Variants in AGPAT2 observed in about 807,000 individuals in gnomAD.
AGPAT2 encodes 1-acyl-sn-glycerol-3-phosphate acyltransferase beta.
In AGPAT2, 18 loss-of-function variants were observed where a neutral mutation model predicts 26.1. The ratio of observed to expected loss-of-function variants is 0.69; its 90% confidence interval spans 0.48 to 1.02. The LOEUF (loss-of-function observed/expected upper bound fraction) is 1.02, where lower values mean the gene tolerates loss of function less well. Ranked by LOEUF, AGPAT2 falls within the 50% of genes least tolerant of loss-of-function variation. The pLI, the probability that AGPAT2 is intolerant of heterozygous loss-of-function variation, is 0.00. For missense variants in AGPAT2, 415 were observed against 394.9 expected, an observed-to-expected ratio of 1.05 and a Z score of -0.43; for synonymous variants, 200 against 174.2, an observed-to-expected ratio of 1.15 and a Z score of -1.16.
At chr9:136,675,157 C>T (rs917270372) in intron 4 of AGPAT2, among the ~76,000 whole-genome samples, 1 of 152,174 alleles carries the variant, frequency 6.6e-6, no homozygotes, top group African/African-American at 2.4e-5. Context: ...TCTTCCCTGC[C>T]CACGCCTCTC....
chr9:136,681,913 T>A (rs946421779), intron 1 of AGPAT2, among the ~76,000 whole-genome samples: 5 of 152,108 alleles, frequency 3.3e-5, no homozygotes, highest in African/African-American at 4.8e-5. Flanking sequence ...AATCGCCTTC[T>A]AAGCACAGAG....
At position 136,687,427 on chromosome 9, in the gene AGPAT2, T is replaced by G; in HGVS notation, c.-70A>C. ...CCGCTCCCGCTTCTCCCCCGCGCGC[T>G]CAGGCCCCTTATTGCGAGGGCGGCG... On this transcript the variant is annotated 5_prime_UTR_variant, in exon 1 of 6. Transcript: ENST00000371696. 11 of 1,278,238 alleles carry G rather than the reference T, an allele frequency of 8.6e-6. No homozygotes were observed. The highest frequency in any genetic ancestry group is 9.0e-6 in the Non-Finnish European group (9 of 995,832). The allele number at this position is 1,278,238 out of a possible 1,614,324, so 79.2% of individuals were successfully genotyped here.
intron 1 of AGPAT2, among the ~76,000 whole-genome samples, chr9:136,680,303 T>C (rs1846142945): frequency 6.6e-6 from 1 of 152,238 alleles, no homozygotes; most frequent in East Asian, 1.9e-4. Flanking sequence ...CTCAGCTCAC[T>C]GCAACCTCTG....
chr9:136,682,002 C>A (rs569064940), intron 1 of AGPAT2, among the ~76,000 whole-genome samples: 2 of 152,096 alleles, frequency 1.3e-5, no homozygotes, highest in South Asian at 2.1e-4. Context: ...GACAGTAACC[C>A]CCCAGGGTAG....
intron 1 of AGPAT2, among the ~76,000 whole-genome samples, chr9:136,680,821 C>T (rs1382047041): frequency 6.6e-6 from 1 of 151,792 alleles, no homozygotes; most frequent in Non-Finnish European, 1.5e-5. Context: ...TGTGCGCCAC[C>T]ACACCCGGCT....
At chr9:136,673,962 G>A (rs1236416393) in intron 5 of AGPAT2, 35 bp from the exon 6 acceptor site, 1 of 1,466,348 alleles carries the variant, frequency 6.8e-7, no homozygotes, top group Non-Finnish European at 9.1e-7. Flanking sequence ...GTGGCCTGTG[G>A]GGAGCTGGGG....
intron 1 of AGPAT2, 81 bp downstream of exon 1, chr9:136,687,095 G>A: frequency 2.8e-6 from 4 of 1,448,912 alleles, no homozygotes; most frequent in Non-Finnish European, 3.7e-6. Flanking sequence ...GGGGCAGGAA[G>A]GAGGGAAGCC....
At chr9:136,686,805 G>T (rs571192279) in intron 1 of AGPAT2, among the ~76,000 whole-genome samples, 115 of 152,336 alleles carry the variant, frequency 7.5e-4, no homozygotes, top group African/African-American at 2.7e-3. Context: ...CGGTTTCCCC[G>T]CTCAGGAAGC....
At position 136,673,630 on chromosome 9, in the gene AGPAT2, G is replaced by A; in HGVS notation, c.*122C>T. 1 of 1,129,982 alleles carries A rather than the reference G, an allele frequency of 8.8e-7. No individual in the cohort carries two copies. The highest frequency in any genetic ancestry group is 2.9e-5 in the East Asian group (1 of 34,100). The allele number at this position is 1,129,982 out of a possible 1,614,324, so 70.0% of individuals were successfully genotyped here. A position where few individuals can be genotyped will look rare whatever the true frequency, so the allele number is the denominator to read the frequency against. Reference sequence around the variant, plus strand: ...GAAGGGGCTTCCTGCTTCCCGGGCTGAGTGAGAGCTGGGGGAGCCGGACAG... The same window carrying A: ...GAAGGGGCTTCCTGCTTCCCGGGCTAAGTGAGAGCTGGGGGAGCCGGACAG... On this transcript the variant is annotated 3_prime_UTR_variant, in exon 6 of 6. Transcript: ENST00000371696.
chr9:136,675,335 G>A (rs927500749), intron 4 of AGPAT2, among the ~76,000 whole-genome samples: 15 of 136,832 alleles, frequency 1.1e-4, no homozygotes, highest in Non-Finnish European at 3.3e-5. Context: ...CAGCAGGTAG[G>A]CTGGGGACTG....
intron 4 of AGPAT2, among the ~76,000 whole-genome samples, chr9:136,675,479 G>C (rs1359137275): frequency 1.1e-5 from 1 of 93,808 alleles, no homozygotes; most frequent in Non-Finnish European, 2.5e-5. Context: ...GCAGCAGGGA[G>C]GGAGGAGGCC....
chr9:136,680,223 TTTTA>T (rs1430890337), intron 1 of AGPAT2, among the ~76,000 whole-genome samples: 1 of 152,192 alleles, frequency 6.6e-6, no homozygotes, highest in African/African-American at 2.4e-5. Context: ...CAGTTCCATC[TTTTA>T]TTTACTTTTT....
chr9:136,687,380 C>T lies in AGPAT2; in HGVS notation c.-23G>A. On this transcript the variant is annotated 5_prime_UTR_variant, in exon 1 of 6. Coordinates refer to ENST00000371696, the MANE Select transcript of AGPAT2 (RefSeq NM_006412.4). ...CATGGCCCGGCCCGGCGCCCGACGGCGCCGCCAGCTCGCTCCCGCTCCCGC... is the reference window on the plus strand; with the variant it reads ...CATGGCCCGGCCCGGCGCCCGACGGTGCCGCCAGCTCGCTCCCGCTCCCGC... 3 of 1,439,982 alleles carry T rather than the reference C, an allele frequency of 2.1e-6. No homozygotes were observed. Among genetic ancestry groups the T allele is most frequent in the Non-Finnish European group, 1.8e-6 (2 of 1,103,592 alleles). 89.2% of individuals were successfully genotyped at this position (1,439,982 alleles called of 1,614,324 possible). A position where few individuals can be genotyped will look rare whatever the true frequency, so the allele number is the denominator to read the frequency against.
intron 1 of AGPAT2, among the ~76,000 whole-genome samples, chr9:136,684,978 C>G (rs780863587): frequency 6.6e-6 from 1 of 152,174 alleles, no homozygotes; most frequent in Non-Finnish European, 1.5e-5. Context: ...ACGGCCCCCA[C>G]GGAGGGAACG....
In AGPAT2 at chr9:136,673,628, C is replaced by A. The variant is rs1226938327; in HGVS notation, c.*124G>T. 6 of 1,122,342 alleles carry A rather than the reference C, an allele frequency of 5.3e-6. No individual in the cohort carries two copies. The highest frequency in any genetic ancestry group is 7.3e-6 in the Non-Finnish European group (6 of 826,920). The allele number at this position is 1,122,342 out of a possible 1,614,324, so 69.5% of individuals were successfully genotyped here. A position where few individuals can be genotyped will look rare whatever the true frequency, so the allele number is the denominator to read the frequency against. On this transcript the variant is annotated 3_prime_UTR_variant, in exon 6 of 6. Transcript: ENST00000371696. ...CAGAAGGGGCTTCCTGCTTCCCGGG[C>A]TGAGTGAGAGCTGGGGGAGCCGGAC...
intron 1 of AGPAT2, among the ~76,000 whole-genome samples, chr9:136,682,151 A>AGAGTC (rs1462422959): frequency 6.6e-6 from 1 of 152,192 alleles, no homozygotes; most frequent in Non-Finnish European, 1.5e-5. Flanking sequence ...CGGAGCTGGC[A>AGAGTC]GAGTCGTGCT....
In AGPAT2 at chr9:136,681,097, T is replaced by G. The variant is rs1564293598; in HGVS notation, c.183-3541A>C. Among the ~76,000 whole-genome samples, 3 of 151,006 alleles carry G rather than the reference T, an allele frequency of 2.0e-5. No individual in the cohort carries two copies. The South Asian group carries it at 6.2e-4, about 31-fold the overall frequency. On this transcript the variant is annotated intron_variant, in intron 1 of 5. Coordinates refer to ENST00000371696, the MANE Select transcript of AGPAT2 (RefSeq NM_006412.4). ...CAGCACCACCCTCTAGCTCCAAAACTTTTCCTTTTTTTTTTTTTTTTAATC... is the reference window on the plus strand; with the variant it reads ...CAGCACCACCCTCTAGCTCCAAAACGTTTCCTTTTTTTTTTTTTTTTAATC...
chr9:136,676,909 G>GGC, intron 3 of AGPAT2, 52 bp downstream of exon 3: 53 of 1,460,732 alleles, frequency 3.6e-5, no homozygotes, highest in East Asian at 9.3e-5. Flanking sequence ...CCCCTGCCTG[G>GGC]CCCCGCCCAG....
rs372910163 is a variant in AGPAT2, at chr9:136,673,741, C to T, written c.*11G>A. 77 of 1,570,954 alleles carry T rather than the reference C, an allele frequency of 4.9e-5. No homozygotes were observed. The highest frequency in any genetic ancestry group is 6.0e-5 in the Non-Finnish European group (69 of 1,158,482). ...CTGCCCTCCCCAGGTCATGCCCTGC[C>T]GTGGTCTGGGCTACTGGGCCGGCTG... is the stretch of plus-strand genomic sequence containing the variant. On this transcript the variant is annotated 3_prime_UTR_variant, in exon 6 of 6. Coordinates refer to ENST00000371696, the MANE Select transcript of AGPAT2 (RefSeq NM_006412.4).
Sources: gnomAD v4.1 joint callset for allele counts (sites outside exome capture counted in the v4.1 genomes callset) on GRCh38, gnomAD v4.1.1 for gene constraint, MANE v1.5 for transcripts, NCBI Gene and HGNC (gene_info 2026-07-23, HGNC 2026-07-21) for gene names.